Variants in PARD6G observed in about 807,000 individuals in gnomAD.
PARD6G encodes par-6 family cell polarity regulator gamma, also known as partitioning defective 6 homolog gamma.
PARD6G carries 7 observed loss-of-function variants against 10.7 expected under a neutral mutation model. The ratio of observed to expected loss-of-function variants is 0.66; its 90% CI spans 0.37 to 1.23. PARD6G has a LOEUF of 1.23. PARD6G is among the 50% of genes most tolerant of loss of function. PARD6G has a pLI of 0.02. For missense variants in PARD6G, 548 were observed against 571.8 expected (o/e 0.96, Z 0.42); for synonymous variants, 287 against 269.4 (o/e 1.07, Z -0.64).
intron 2 of PARD6G, chr18:80,178,333 G>A (rs1470665055): frequency 6.5e-6 from 1 of 152,712 alleles, no homozygotes; most frequent in Non-Finnish European, 1.5e-5. Flanking sequence ...ATTCCTCCGA[G>A]CTCAGTGTCC....
At chr18:80,203,191 G>A (rs1242385343) in intron 1 of PARD6G, among the ~76,000 whole-genome samples, 1 of 152,104 alleles carries the variant, frequency 6.6e-6, no homozygotes, top group Non-Finnish European at 1.5e-5. Flanking sequence ...GGATCCAATG[G>A]TAACTCTATT....
At chr18:80,165,855 G>A (rs191211097) in intron 2 of PARD6G, among the ~76,000 whole-genome samples, 9 of 152,298 alleles carry the variant, frequency 5.9e-5, no homozygotes, top group East Asian at 3.9e-4. Flanking sequence ...GCCAAGGTGG[G>A]TGGATCACCT....
chr18:80,159,696 G>C lies in PARD6G; in HGVS notation c.*75C>G. The C allele has an allele frequency of 7.6e-7, 1 of 1,319,868 alleles. No individual in the cohort carries two copies. Among genetic ancestry groups the C allele is most frequent in the Non-Finnish European group, 9.7e-7 (1 of 1,031,624 alleles). The allele number at this position is 1,319,868 out of a possible 1,614,324, so 81.8% of individuals were successfully genotyped here. ...TGGTCACAAAAACAACAAAAAATGA[G>C]CGGATGCAGTCTGCAGGTCCTGTCC... On this transcript the variant is annotated 3_prime_UTR_variant, in exon 3 of 3. Coordinates refer to ENST00000353265, the MANE Select transcript of PARD6G (RefSeq NM_032510.4).
In PARD6G at chr18:80,166,694, C is replaced by T. The variant is rs551779074; in HGVS notation, c.296-6088G>A. 9.9e-5 allele frequency among the ~76,000 whole-genome samples: 15 copies of T among 151,606 alleles called. No individual in the cohort carries two copies. In the South Asian group the frequency reaches 2.3e-3, roughly 23 times the overall value. On this transcript the variant is annotated intron_variant, in intron 2 of 2. Transcript: ENST00000353265. ...CCTGGCTCCTTACATCCTCAGAGCA[C>T]GAGACAGTCCACAGGGTCCTCACTC...
At chr18:80,230,707 T>C (rs1967348807) in intron 1 of PARD6G, among the ~76,000 whole-genome samples, 1 of 152,122 alleles carries the variant, frequency 6.6e-6, no homozygotes, top group Non-Finnish European at 1.5e-5. Context: ...CACCCAGCAC[T>C]GCTAAATGTA....
chr18:80,199,147 T>C (rs568589231), intron 2 of PARD6G, among the ~76,000 whole-genome samples: 3 of 152,260 alleles, frequency 2.0e-5, no homozygotes, highest in Non-Finnish European at 4.4e-5. Context: ...ACTGAATTAC[T>C]GAGCATAGAA....
intron 1 of PARD6G, among the ~76,000 whole-genome samples, chr18:80,245,362 C>A (rs1479229683): frequency 6.6e-6 from 1 of 152,204 alleles, no homozygotes; most frequent in Non-Finnish European, 1.5e-5. Context: ...AACCAGTCCT[C>A]CCTGGTTAAA....
intron 1 of PARD6G, among the ~76,000 whole-genome samples, chr18:80,215,763 A>G (rs1454794219): frequency 6.6e-6 from 1 of 152,190 alleles, no homozygotes; most frequent in Non-Finnish European, 1.5e-5. Context: ...AAATCCTACT[A>G]TGTCAGTAAT....
At chr18:80,234,991 C>G (rs1967403275) in intron 1 of PARD6G, among the ~76,000 whole-genome samples, 1 of 152,118 alleles carries the variant, frequency 6.6e-6, no homozygotes, top group Admixed American at 6.6e-5. Context: ...TTGAACTCAG[C>G]TCTGCACCAA....
Position 80,160,301 on chromosome 18 carries a change from C to G in PARD6G, c.601G>C (p.Gly201Arg). The part of the protein sequence containing the change: ...PGIFISRMVP[G>R]GLAESTGLLA... ...AGCCCGGTGCTCTCCGCCAGGCCCC[C>G]GGGTACCATGCGCGAGATGAAGATG... The change falls in exon 3 of 3, where the codon GGG (glycine) becomes CGG (arginine). Residue 201 changes from glycine (G) to arginine (R), a missense_variant. Physicochemically the swap from Gly to Arg is moderately radical, Grantham distance 125 (BLOSUM62 -2). This residue lies in a region of PARD6G where 313 missense variants were observed against 279.9 expected (regional missense o/e 1.12). Transcript: ENST00000353265. 6.2e-7 allele frequency: 1 copy of G among 1,612,296 alleles called. No individual in the cohort carries two copies. Among genetic ancestry groups the G allele is most frequent in the East Asian group, 2.2e-5 (1 of 44,864 alleles).
intron 2 of PARD6G, among the ~76,000 whole-genome samples, chr18:80,176,339 T>A (rs927464166): frequency 2.6e-5 from 4 of 152,222 alleles, no homozygotes; most frequent in African/African-American, 9.7e-5. Context: ...GATGGATACA[T>A]CCCACGTTTA....
chr18:80,231,400 A>G lies in PARD6G; in HGVS notation c.72+15877T>C, dbSNP rs1348400041. Among the ~76,000 whole-genome samples the G allele has an allele frequency of 6.6e-6, 1 of 152,190 alleles. No homozygotes were observed. Among genetic ancestry groups the G allele is most frequent in the Non-Finnish European group, 1.5e-5 (1 of 68,038 alleles). On this transcript the variant is annotated intron_variant, in intron 1 of 2. Transcript: ENST00000353265. This position sits in a 1 kb window ranked among gnomAD's most constrained non-coding sequence, Gnocchi z 4.2. Reference sequence around the variant, plus strand: ...CCATTCCGATGTGAGCTCATGATACATGGAGGAATTAGGCAGTTCTGCATC... The same window carrying G: ...CCATTCCGATGTGAGCTCATGATACGTGGAGGAATTAGGCAGTTCTGCATC...
rs1967355875 is a variant in PARD6G, at chr18:80,231,371, G to A, written c.72+15906C>T. Among the ~76,000 whole-genome samples, 1 of 152,196 alleles carries A rather than the reference G, an allele frequency of 6.6e-6. No individual in the cohort carries two copies. The highest frequency in any genetic ancestry group is 1.5e-5 in the Non-Finnish European group (1 of 68,022). On this transcript the variant is annotated intron_variant, in intron 1 of 2. Transcript: ENST00000353265. This position sits in a 1 kb window ranked among gnomAD's most constrained non-coding sequence, Gnocchi z 4.2. ...AACTCCAGCCCGTGGAAGAAAGTGG[G>A]GTCCCATTCCGATGTGAGCTCATGA...
intron 1 of PARD6G, among the ~76,000 whole-genome samples, chr18:80,208,706 C>T (rs1477546986): frequency 6.6e-6 from 1 of 151,818 alleles, no homozygotes; most frequent in Non-Finnish European, 1.5e-5. Context: ...AGTTCCAGGT[C>T]AGCCTGGGCA....
At chr18:80,210,686 T>C (rs765300843) in intron 1 of PARD6G, among the ~76,000 whole-genome samples, 15 of 152,246 alleles carry the variant, frequency 9.9e-5, no homozygotes, top group Non-Finnish European at 2.1e-4. Context: ...TTTATTTTGT[T>C]AGTAGGACCA....
chr18:80,242,729 G>GA (rs1283480232), intron 1 of PARD6G, among the ~76,000 whole-genome samples: 1 of 152,138 alleles, frequency 6.6e-6, no homozygotes, highest in African/African-American at 2.4e-5. Flanking sequence ...AACTAACAGA[G>GA]AAAAAGGATT....
chr18:80,208,652 C>T (rs934751002), intron 1 of PARD6G, among the ~76,000 whole-genome samples: 1 of 152,102 alleles, frequency 6.6e-6, no homozygotes, highest in African/African-American at 2.4e-5. Context: ...ACCTGTAGTC[C>T]CAGCTACTTG....
chr18:80,235,653 TA>T (rs1466456427), intron 1 of PARD6G, among the ~76,000 whole-genome samples: 1 of 151,834 alleles, frequency 6.6e-6, no homozygotes, highest in African/African-American at 2.4e-5. Flanking sequence ...ATAGAAGCAA[TA>T]AAAAATGATA....
chr18:80,168,573 TTGTGTGTGTGTGTG>T (rs3051500), intron 2 of PARD6G, among the ~76,000 whole-genome samples: 13 of 144,334 alleles, frequency 9.0e-5, no homozygotes, highest in African/African-American at 2.3e-4. Context: ...CAAATTATGT[TTGTGTGTGTGTGTG>T]TGTGTGTGTG....
Sources: allele counts gnomAD v4.1 joint callset (sites outside exome capture counted in the v4.1 genomes callset), GRCh38; gene constraint gnomAD v4.1.1; regional missense constraint gnomAD v4.1.1; non-coding constraint Gnocchi (gnomAD v3.1); transcripts MANE v1.5; gene names NCBI Gene and HGNC (gene_info 2026-07-23, HGNC 2026-07-21).